Variants in YEATS2 observed in about 807,000 individuals in gnomAD.
YEATS2 encodes YEATS domain-containing protein 2.
In YEATS2, 77 loss-of-function variants were observed where a neutral mutation model predicts 163.2. The ratio of observed to expected loss-of-function variants is 0.47; its 90% confidence interval spans 0.39 to 0.57. The LOEUF (loss-of-function observed/expected upper bound fraction) is 0.57, where lower values mean the gene tolerates loss of function less well. Ranked by LOEUF, YEATS2 falls within the 20% of genes least tolerant of loss-of-function variation. The pLI is 0.00. For synonymous variants in YEATS2, 631 were observed against 645.1 expected (o/e 0.98, Z 0.33); for missense variants, 1,549 against 1,729.8 (o/e 0.90, Z 1.85).
intron 1 of YEATS2, among the ~76,000 whole-genome samples, chr3:183,703,373 C>T (rs879712905): frequency 7.2e-5 from 11 of 152,062 alleles, no homozygotes; most frequent in Admixed American, 3.9e-4. Context: ...ATTTTTTTGT[C>T]GGTACTAACT....
Position 183,761,580 on chromosome 3 carries a change from A to G in YEATS2, c.1730A>G (p.Lys577Arg), listed in dbSNP as rs770450399. The G allele has an allele frequency of 3.0e-5, 49 of 1,614,008 alleles. No homozygotes were observed. Among genetic ancestry groups the G allele is most frequent in the Non-Finnish European group, 4.0e-5 (47 of 1,180,010 alleles). Residue 577 changes from lysine to arginine, a missense_variant, in exon 14 of 31, where the codon AAA becomes AGA. By Grantham distance (26) the Lys-to-Arg change is conservative (BLOSUM62 2). Coordinates refer to ENST00000305135, the MANE Select transcript of YEATS2 (RefSeq NM_018023.5). The part of the protein sequence containing the change: ...IGSHPKVQSP[K>R]PITGGLGAFT... Reference sequence around the variant, plus strand: ...AGTCACCCTAAGGTTCAAAGCCCCAAACCTATAACAGGAGGACTTGGAGCT... The same window carrying G: ...AGTCACCCTAAGGTTCAAAGCCCCAGACCTATAACAGGAGGACTTGGAGCT...
At position 183,758,481 on chromosome 3, in the gene YEATS2, G is replaced by A. The variant is rs76341599; in HGVS notation, c.1553-381G>A. Among the ~76,000 whole-genome samples the A allele has an allele frequency of 3.1e-3, 477 of 152,338 alleles. 2 individuals carry two copies. Among genetic ancestry groups the A allele is most frequent in the African/African-American group, 0.011 (439 of 41,556 alleles). ...ATTTGTTAAACAGTATCATTATGTT[G>A]TAGTGTCTTTTATTGTATGAGGAGT... On this transcript the variant is annotated intron_variant, in intron 12 of 30. Transcript: ENST00000305135.
intron 1 of YEATS2, among the ~76,000 whole-genome samples, chr3:183,709,169 A>C (rs369279671): frequency 1.3e-5 from 2 of 152,154 alleles, no homozygotes; most frequent in East Asian, 3.9e-4. Flanking sequence ...TCAAAAAAAA[A>C]AAGTTTGGTT....
chr3:183,790,031 C>T (rs1407476940), intron 20 of YEATS2, among the ~76,000 whole-genome samples: 1 of 152,222 alleles, frequency 6.6e-6, no homozygotes, highest in African/African-American at 2.4e-5. Flanking sequence ...CGTGCCTCTT[C>T]ACAGGTGACA....
At chr3:183,716,006 C>T (rs1331214053) in intron 2 of YEATS2, among the ~76,000 whole-genome samples, 2 of 152,138 alleles carry the variant, frequency 1.3e-5, no homozygotes, top group Non-Finnish European at 2.9e-5. Flanking sequence ...GTCCCCCAGG[C>T]TGGAGTGCAG....
chr3:183,706,828 A>G (rs193205637), intron 1 of YEATS2, among the ~76,000 whole-genome samples: 1 of 152,136 alleles, frequency 6.6e-6, no homozygotes, highest in Non-Finnish European at 1.5e-5. Context: ...AAAAAAAAAA[A>G]GTTAGGTGGA....
chr3:183,772,018 C>A (rs765655093), intron 15 of YEATS2, among the ~76,000 whole-genome samples: 1 of 152,216 alleles, frequency 6.6e-6, no homozygotes, highest in Admixed American at 6.5e-5. Context: ...TGAGCCACCA[C>A]GCCCGGCCAA....
chr3:183,747,481 C>T (rs529942187), intron 8 of YEATS2, among the ~76,000 whole-genome samples, 191 bp from the exon 9 acceptor site: 1 of 151,848 alleles, frequency 6.6e-6, no homozygotes, highest in Admixed American at 6.6e-5. Context: ...AATATAGTAA[C>T]TATATGTCTG....
intron 2 of YEATS2, among the ~76,000 whole-genome samples, chr3:183,717,046 C>T (rs983762469): frequency 1.3e-5 from 2 of 152,108 alleles, no homozygotes; most frequent in Non-Finnish European, 2.9e-5. Flanking sequence ...GTACCCCCCA[C>T]TACGCCCAGC....
intron 19 of YEATS2, among the ~76,000 whole-genome samples, chr3:183,782,074 A>G (rs189049321): frequency 2.6e-4 from 40 of 152,030 alleles, no homozygotes; most frequent in African/African-American, 8.9e-4. Context: ...ATGTGTGTTA[A>G]TCGTTTATTC....
At chr3:183,720,547 C>T (rs942588945) in intron 4 of YEATS2, among the ~76,000 whole-genome samples, 1 of 152,096 alleles carries the variant, frequency 6.6e-6, no homozygotes, top group Non-Finnish European at 1.5e-5. Flanking sequence ...GCTCTAGGGA[C>T]ACCTGGTATT....
intron 27 of YEATS2, among the ~76,000 whole-genome samples, chr3:183,804,879 C>T (rs1726028039): frequency 6.6e-6 from 1 of 151,968 alleles, no homozygotes; most frequent in Non-Finnish European, 1.5e-5. Context: ...GTCCCAGCTA[C>T]TTGGGAGGCT....
At chr3:183,764,368 TA>T (rs11452949) in intron 15 of YEATS2, among the ~76,000 whole-genome samples, 9,939 of 105,170 alleles carry the variant, frequency 0.095, 408 homozygotes, top group East Asian at 0.21. Context: ...AAACTCTGTT[TA>T]AAAAAAAAAA....
chr3:183,772,222 C>A, intron 15 of YEATS2, 83 bp from the exon 16 acceptor site: 1 of 1,583,090 alleles, frequency 6.3e-7, no homozygotes, highest in Non-Finnish European at 8.6e-7. Context: ...ATGTGCAGGC[C>A]TTTGTTTTGC....
intron 28 of YEATS2, 127 bp from the exon 29 acceptor site, chr3:183,807,903 C>G (rs1002194046): frequency 6.1e-6 from 4 of 656,090 alleles, no homozygotes; most frequent in African/African-American, 5.5e-5. Context: ...TGAATTTTGC[C>G]CAATATGTTT....
chr3:183,731,502 A>G (rs1480103577), intron 7 of YEATS2, among the ~76,000 whole-genome samples: 5 of 152,226 alleles, frequency 3.3e-5, no homozygotes, highest in African/African-American at 9.7e-5. Context: ...CTCATACCAT[A>G]AATGAGAATT....
intron 20 of YEATS2, among the ~76,000 whole-genome samples, chr3:183,787,672 G>A (rs1021176139): frequency 6.6e-6 from 1 of 152,042 alleles, no homozygotes; most frequent in East Asian, 1.9e-4. Flanking sequence ...AACCACAAAA[G>A]TTTTAAATTT....
intron 30 of YEATS2, 104 bp from the exon 31 acceptor site, chr3:183,810,371 C>T (rs1560346250): frequency 1.8e-5 from 19 of 1,043,000 alleles, no homozygotes; most frequent in African/African-American, 4.7e-5. Context: ...GCCCTCTCCA[C>T]GGGGCCTCTG....
At position 183,798,062 on chromosome 3, in the gene YEATS2, T is replaced by A; in HGVS notation, c.3226+11T>A. The A allele has an allele frequency of 5.0e-6, 8 of 1,612,998 alleles. No individual in the cohort carries two copies. The highest frequency in any genetic ancestry group is 6.8e-6 in the Non-Finnish European group (8 of 1,179,728). The stretch of plus-strand genomic sequence containing the variant: ...TGCCTGTGAATAAAGGTGAGTCCCT[T>A]GCCCACGGGTCGTCTGTGCTGTGGC... On this transcript the variant is annotated intron_variant, in intron 22 of 30. Coordinates refer to ENST00000305135, the MANE Select transcript of YEATS2 (RefSeq NM_018023.5).
Sources: allele counts gnomAD v4.1 joint callset (sites outside exome capture counted in the v4.1 genomes callset), GRCh38; gene constraint gnomAD v4.1.1; transcripts MANE v1.5; gene names NCBI Gene and HGNC (gene_info 2026-07-23, HGNC 2026-07-21).